PUDP: variants seen among roughly 807,000 people sequenced by gnomAD.
PUDP encodes pseudouridine 5'-phosphatase.
In PUDP, 8 loss-of-function variants were observed where a neutral mutation model predicts 9.4. The ratio of observed to expected loss-of-function variants is 0.85; its 90% confidence interval spans 0.50 to 1.53. The LOEUF (loss-of-function observed/expected upper bound fraction) is 1.53. PUDP is among the 40% of genes most tolerant of loss of function. The pLI is 0.00. For synonymous variants in PUDP, 99 were observed against 80.7 expected, an observed-to-expected ratio of 1.23 and a Z score of -1.22; for missense variants, 188 against 189.7, an observed-to-expected ratio of 0.99 and a Z score of 0.05.
chrX:6,899,729 G>A (rs1927646828), intron 3 of PUDP, among the ~76,000 whole-genome samples: 1 of 110,459 alleles, frequency 9.1e-6, no homozygotes, highest in South Asian at 3.9e-4. Flanking sequence ...CTGTAACCAT[G>A]TACGATAATT....
chrX:7,003,679 T>A (rs1220540207), intron 1 of PUDP, among the ~76,000 whole-genome samples: 1 of 111,777 alleles, frequency 8.9e-6, no homozygotes, highest in Non-Finnish European at 1.9e-5. Context: ...CTTTTGTACA[T>A]CTCTGCCCCA....
chrX:6,736,978 C>T (rs1300586582), intron 3 of PUDP, among the ~76,000 whole-genome samples: 2 of 111,529 alleles, frequency 1.8e-5, no homozygotes, highest in Admixed American at 1.9e-4. Context: ...AACATACCTG[C>T]ACCTGTAACC....
upstream of PUDP, among the ~76,000 whole-genome samples, chrX:6,724,535 G>C (rs1165987546): frequency 9.6e-6 from 1 of 104,490 alleles, no homozygotes; most frequent in African/African-American, 3.5e-5. Flanking sequence ...AAGGAGGAAA[G>C]GGTGGGGGAA....
chrX:6,854,618 T>G (rs1449191553), intron 3 of PUDP, among the ~76,000 whole-genome samples: 2 of 112,201 alleles, frequency 1.8e-5, no homozygotes, highest in Non-Finnish European at 3.8e-5. Context: ...CCAATTAACA[T>G]ATATTTTATG....
At chrX:6,998,488 T>A (rs1007034380) in intron 1 of PUDP, among the ~76,000 whole-genome samples, 5 of 109,792 alleles carry the variant, frequency 4.6e-5, no homozygotes, top group Admixed American at 3.9e-4. Context: ...TCAGGGCAAT[T>A]GACTGTCAGG....
At chrX:6,713,382 A>G (rs1311508692) in intron 1 of PUDP, among the ~76,000 whole-genome samples, 1 of 111,846 alleles carries the variant, frequency 8.9e-6, no homozygotes, top group Non-Finnish European at 1.9e-5. Context: ...TAGAACTCAT[A>G]CTTTGAGTAC....
intron 3 of PUDP, among the ~76,000 whole-genome samples, chrX:6,790,904 C>T (rs1024066281): frequency 1.6e-4 from 18 of 111,616 alleles, no homozygotes; most frequent in African/African-American, 5.2e-4. Flanking sequence ...TTACATTGTA[C>T]GTAAATTTAC....
intron 3 of PUDP, among the ~76,000 whole-genome samples, chrX:6,879,069 C>T (rs1365264693): frequency 9.0e-6 from 1 of 111,456 alleles, no homozygotes; most frequent in Non-Finnish European, 1.9e-5. Flanking sequence ...GAATAGCCTC[C>T]TAGATGGAAA....
At chrX:6,964,430 T>C (rs189288442) in intron 3 of PUDP, among the ~76,000 whole-genome samples, 6 of 112,184 alleles carry the variant, frequency 5.3e-5, no homozygotes, top group Admixed American at 4.8e-4. Context: ...CCCAGTACTT[T>C]GTTAGGCTGA....
intron 1 of PUDP, among the ~76,000 whole-genome samples, chrX:6,983,255 G>A (rs1323529441): frequency 9.0e-6 from 1 of 111,266 alleles, no homozygotes; most frequent in Non-Finnish European, 1.9e-5. Flanking sequence ...GGGGATCAGA[G>A]TTTTTAAGGA....
At chrX:6,816,993 A>AT (rs1926257625) in intron 3 of PUDP, among the ~76,000 whole-genome samples, 1 of 93,411 alleles carries the variant, frequency 1.1e-5, no homozygotes, top group African/African-American at 4.4e-5. Context: ...TATACTATAT[A>AT]GTATATATAA....
intron 1 of PUDP, among the ~76,000 whole-genome samples, chrX:6,709,334 T>C (rs1924504912): frequency 8.9e-6 from 1 of 111,758 alleles, no homozygotes; most frequent in Non-Finnish European, 1.9e-5. Context: ...CATGATTCTC[T>C]TGATAAATCA....
rs1929408202 is a variant in PUDP at position 7,006,726 on chromosome X, G to C, written c.205-28383C>G. The stretch of plus-strand genomic sequence containing the variant: ...GTGAATTTCATCAGAAGCCACAAAG[G>C]GTCCAGGAGCAAGAACATGGTGTGA... On this transcript the variant is annotated intron_variant and NMD_transcript_variant, in intron 1 of 3. Transcript: ENST00000655425. Among the ~76,000 whole-genome samples, 4 of 111,137 alleles carry C rather than the reference G, an allele frequency of 3.6e-5. No homozygotes were observed. The Admixed American group carries it at 3.8e-4, about 11-fold the overall frequency.
intron 3 of PUDP, among the ~76,000 whole-genome samples, chrX:6,797,740 A>C (rs1569101007): frequency 8.9e-6 from 1 of 111,859 alleles, no homozygotes; most frequent in Admixed American, 9.5e-5. Context: ...AAGCTCAGCC[A>C]CTCCAGGATT....
chrX:6,954,499 G>A lies in PUDP; in HGVS notation c.*247+22634C>T, dbSNP rs536037067. Reference sequence around the variant, plus strand: ...TGGTCACTCTCATATAGATGGCTCCGTGTCAGTCCGTGTCAGCCAACTGCA... The same window carrying A: ...TGGTCACTCTCATATAGATGGCTCCATGTCAGTCCGTGTCAGCCAACTGCA... On this transcript the variant is annotated intron_variant and NMD_transcript_variant, in intron 3 of 3. Coordinates refer to the PUDP transcript ENST00000655425. Among the ~76,000 whole-genome samples the A allele has an allele frequency of 4.6e-4, 51 of 111,081 alleles. 1 individual carries two copies. The highest frequency in any genetic ancestry group is 1.6e-3 in the African/African-American group (49 of 30,545).
chrX:6,736,097 A>G (rs1924869156), intron 3 of PUDP, among the ~76,000 whole-genome samples: 1 of 111,045 alleles, frequency 9.0e-6, no homozygotes, highest in Non-Finnish European at 1.9e-5. Context: ...TTCTAAACCA[A>G]TAACGACACA....
At chrX:6,801,828 T>C (rs1280782169) in intron 3 of PUDP, among the ~76,000 whole-genome samples, 2 of 111,915 alleles carry the variant, frequency 1.8e-5, no homozygotes, top group South Asian at 3.8e-4. Context: ...TAGGTGACAG[T>C]GTGTGCCTCC....
intron 3 of PUDP, among the ~76,000 whole-genome samples, chrX:6,932,648 G>A (rs898580064): frequency 3.6e-5 from 4 of 111,813 alleles, no homozygotes; most frequent in South Asian, 7.5e-4. Flanking sequence ...CACCGTGCGC[G>A]AGCCGAAGCA....
chrX:6,808,159 T>C (rs1276665126), intron 3 of PUDP, among the ~76,000 whole-genome samples: 1 of 111,174 alleles, frequency 9.0e-6, no homozygotes, highest in African/African-American at 3.3e-5. Context: ...AGCCTTCTTG[T>C]ATTAAAAAAA....
Sources: gnomAD v4.1 joint callset for allele counts (sites outside exome capture counted in the v4.1 genomes callset) on GRCh38, gnomAD v4.1.1 for gene constraint, MANE v1.5 for transcripts, NCBI Gene and HGNC (gene_info 2026-07-23, HGNC 2026-07-21) for gene names.